The following CNTNAP2 variants were observed in gnomAD, a reference collection of about 807,000 sequenced individuals.
The protein encoded by CNTNAP2 is contactin associated protein 2.
In CNTNAP2, 98 loss-of-function variants were observed where a neutral mutation model predicts 155.2. The observed-to-expected ratio is 0.63, with a 90% CI of 0.54 to 0.75. The LOEUF is 0.75. Among genes scored for constraint, CNTNAP2 ranks in the 30% least tolerant of loss-of-function variants. The pLI, the probability that CNTNAP2 is intolerant of heterozygous loss-of-function variation, is 0.00. For missense variants in CNTNAP2, 1,727 were observed against 1,688.1 expected, an observed-to-expected ratio of 1.02 and a Z score of -0.40; for synonymous variants, 651 against 631.2, an observed-to-expected ratio of 1.03 and a Z score of -0.47.
At chr7:147,639,496 G>GA (rs150584413) in intron 13 of CNTNAP2, among the ~76,000 whole-genome samples, 190 bp downstream of exon 13, 51 of 151,912 alleles carry the variant, frequency 3.4e-4, no homozygotes, top group Non-Finnish European at 4.4e-4. Context: ...TGATTTTGAG[G>GA]AAAAAATAGT....
rs189062778 is a variant in CNTNAP2, at chr7:147,213,841, T to C, written c.1348+81332T>C. Among the ~76,000 whole-genome samples, 462 of 152,164 alleles carry C rather than the reference T, an allele frequency of 3.0e-3. 2 individuals carry two copies. The highest frequency in any genetic ancestry group is 0.01 in the African/African-American group (429 of 41,532). ...AAGGCCTGAGAACTCAGGGGGCCAC[T>C]GGTGTAAATCCTGGAGTGTCTGTGT... On this transcript the variant is annotated intron_variant, in intron 8 of 23. Transcript: ENST00000361727.
At chr7:146,497,051 T>A (rs1173859004) in intron 1 of CNTNAP2, among the ~76,000 whole-genome samples, 1 of 152,208 alleles carries the variant, frequency 6.6e-6, no homozygotes, top group Non-Finnish European at 1.5e-5. Flanking sequence ...TTAATGACCC[T>A]GTTTTATTGT....
intron 8 of CNTNAP2, among the ~76,000 whole-genome samples, chr7:147,254,100 A>C (rs1172591252): frequency 6.6e-6 from 1 of 152,032 alleles, no homozygotes; most frequent in Non-Finnish European, 1.5e-5. Context: ...TTCTGTGGTG[A>C]GTTCCCTCCA....
intron 4 of CNTNAP2, among the ~76,000 whole-genome samples, chr7:147,071,616 T>A (rs564471040): frequency 2.6e-5 from 4 of 152,288 alleles, no homozygotes; most frequent in African/African-American, 9.6e-5. Flanking sequence ...TTAACAGATA[T>A]TCCCTGGCCA....
intron 18 of CNTNAP2, among the ~76,000 whole-genome samples, chr7:148,197,211 T>C (rs2116726058): frequency 6.6e-6 from 1 of 152,312 alleles, no homozygotes; most frequent in East Asian, 1.9e-4. Flanking sequence ...ACGAAAAATA[T>C]GTTTTTACAT....
At chr7:146,570,630 A>G (rs946790190) in intron 1 of CNTNAP2, among the ~76,000 whole-genome samples, 2 of 152,142 alleles carry the variant, frequency 1.3e-5, no homozygotes, top group Non-Finnish European at 2.9e-5. Context: ...AAGGTTGGAA[A>G]GTGAAGGTGA....
Position 147,121,091 on chromosome 7 carries a change from C to A in CNTNAP2, c.867C>A (p.Asn289Lys). Residue 289 changes from asparagine (N) to lysine (K), a missense_variant, in exon 6 of 24, where the codon AAC becomes AAA. By Grantham distance (94) the Asn-to-Lys change is moderately conservative. Transcript: ENST00000361727. ...TTGAGCGCCAGGGGCGGAGCATTAA[C>A]CTCACTCTGGACAGGAGCATGCAGC... is the stretch of plus-strand genomic sequence containing the variant. ...VVIERQGRSI[N>K]LTLDRSMQHF... is the part of the protein sequence containing the mutation. The A allele has an allele frequency of 1.9e-6, 3 of 1,614,156 alleles. No homozygotes were observed. In the South Asian group the frequency reaches 3.3e-5, roughly 18 times the overall value.
intron 1 of CNTNAP2, among the ~76,000 whole-genome samples, chr7:146,171,980 A>G (rs1238433278): frequency 4.0e-5 from 6 of 150,796 alleles, no homozygotes; most frequent in Non-Finnish European, 8.9e-5. Context: ...AAAATGACAA[A>G]TTTGCTTTGT....
intron 10 of CNTNAP2, among the ~76,000 whole-genome samples, chr7:147,415,159 A>G (rs531006727): frequency 6.6e-6 from 1 of 152,182 alleles, no homozygotes; most frequent in South Asian, 2.1e-4. Flanking sequence ...AGGTGGGAGC[A>G]TACAATTGCT....
intron 1 of CNTNAP2, among the ~76,000 whole-genome samples, chr7:146,418,476 C>T (rs1351312479): frequency 6.6e-6 from 1 of 152,144 alleles, no homozygotes; most frequent in African/African-American, 2.4e-5. Flanking sequence ...GAATTACTAT[C>T]AACTGTTGGC....
At chr7:147,898,153 A>G (rs1472677384) in intron 13 of CNTNAP2, among the ~76,000 whole-genome samples, 1 of 152,188 alleles carries the variant, frequency 6.6e-6, no homozygotes, top group African/African-American at 2.4e-5. Context: ...AAAATCAAGA[A>G]ATTTGTTTGG....
In CNTNAP2 at chr7:147,816,711, A is replaced by G. The variant is rs149872806; in HGVS notation, c.2099-86854A>G. On this transcript the variant is annotated intron_variant, in intron 13 of 23. Coordinates refer to ENST00000361727, the MANE Select transcript of CNTNAP2 (RefSeq NM_014141.6). ...AGGGAGTTATATTTTTCAGTAATCA[A>G]AATAATCACTTGATGATGAATAGCC... 6.6e-5 allele frequency among the ~76,000 whole-genome samples: 10 copies of G among 151,968 alleles called. No individual in the cohort carries two copies. In the East Asian group the frequency reaches 1.9e-3, roughly 29 times the overall value.
intron 15 of CNTNAP2, among the ~76,000 whole-genome samples, chr7:147,997,804 G>A (rs1164076171): frequency 2.6e-5 from 4 of 152,136 alleles, no homozygotes; most frequent in African/African-American, 9.7e-5. Flanking sequence ...CAGTAAGCAT[G>A]TTCTGGGTGG....
intron 13 of CNTNAP2, among the ~76,000 whole-genome samples, chr7:147,642,843 A>G (rs1298514952): frequency 1.3e-5 from 2 of 152,240 alleles, no homozygotes; most frequent in African/African-American, 4.8e-5. Flanking sequence ...CTGTTTGGAC[A>G]TTCTATATAT....
At chr7:147,138,366 C>T (rs1801530758) in intron 8 of CNTNAP2, among the ~76,000 whole-genome samples, 1 of 151,658 alleles carries the variant, frequency 6.6e-6, no homozygotes, top group African/African-American at 2.4e-5. Flanking sequence ...AATAAGATAC[C>T]CTTGGACATA....
chr7:147,534,930 A>G (rs1799512590), intron 11 of CNTNAP2, among the ~76,000 whole-genome samples: 1 of 152,034 alleles, frequency 6.6e-6, no homozygotes. Context: ...TGGCACCAGC[A>G]GTTTGGAGAC....
chr7:146,964,491 G>C (rs1307942954), intron 3 of CNTNAP2, among the ~76,000 whole-genome samples: 1 of 152,150 alleles, frequency 6.6e-6, no homozygotes, highest in Non-Finnish European at 1.5e-5. Flanking sequence ...GTTAGCTGCA[G>C]TGTTGGATAT....
At chr7:146,377,819 C>A (rs922599339) in intron 1 of CNTNAP2, among the ~76,000 whole-genome samples, 1 of 152,120 alleles carries the variant, frequency 6.6e-6, no homozygotes, top group Admixed American at 6.5e-5. Context: ...AAGAAACATT[C>A]ATCATGAGTT....
At chr7:146,806,582 T>C (rs1045959897) in intron 2 of CNTNAP2, among the ~76,000 whole-genome samples, 1 of 152,098 alleles carries the variant, frequency 6.6e-6, no homozygotes, top group Non-Finnish European at 1.5e-5. Context: ...CTCTCTGTTT[T>C]CACCTTAATT....
Sources: gnomAD v4.1 joint callset for allele counts (sites outside exome capture counted in the v4.1 genomes callset) on GRCh38, gnomAD v4.1.1 for gene constraint, MANE v1.5 for transcripts, NCBI Gene and HGNC (gene_info 2026-07-23, HGNC 2026-07-21) for gene names.